Variants in B3GLCT observed in about 807,000 individuals in gnomAD.
The protein encoded by B3GLCT is beta 3-glucosyltransferase, also known as beta-1,3-glucosyltransferase.
A neutral mutation model predicts 63.4 loss-of-function variants in B3GLCT; 65 were observed. The ratio of observed to expected loss-of-function variants is 1.03; its 90% confidence interval spans 0.84 to 1.26. The LOEUF (loss-of-function observed/expected upper bound fraction) is 1.26. B3GLCT is among the 50% of genes most tolerant of loss of function. B3GLCT has a pLI of 0.00. For missense variants in B3GLCT, 577 were observed against 604.8 expected, an observed-to-expected ratio of 0.95 and a Z score of 0.48; for synonymous variants, 233 against 219.2, an observed-to-expected ratio of 1.06 and a Z score of -0.55.
intron 7 of B3GLCT, among the ~76,000 whole-genome samples, chr13:31,266,041 C>T (rs1872288171): frequency 6.6e-6 from 1 of 152,032 alleles, no homozygotes; most frequent in African/African-American, 2.4e-5. Context: ...GCTCTGTCGC[C>T]CAGGCTGGAG....
intron 12 of B3GLCT, among the ~76,000 whole-genome samples, chr13:31,288,527 C>A (rs1873468529): frequency 6.6e-6 from 1 of 152,204 alleles, no homozygotes; most frequent in Non-Finnish European, 1.5e-5. Context: ...TCTGCTGCCA[C>A]CACTGGGGCC....
intron 2 of B3GLCT, among the ~76,000 whole-genome samples, chr13:31,222,074 A>ATTTT (rs5802597): frequency 4.3e-5 from 4 of 92,948 alleles, no homozygotes; most frequent in African/African-American, 1.3e-4. Context: ...TGTGCTCCTG[A>ATTTT]TTTTTTTTTT....
chr13:31,291,569 T>G (rs1873659784), intron 12 of B3GLCT, among the ~76,000 whole-genome samples: 1 of 152,220 alleles, frequency 6.6e-6, no homozygotes, highest in South Asian at 2.1e-4. Flanking sequence ...CCTAGGTATT[T>G]TATTCTTGTT....
At chr13:31,203,844 G>A (rs1282750526) in intron 1 of B3GLCT, among the ~76,000 whole-genome samples, 1 of 152,204 alleles carries the variant, frequency 6.6e-6, no homozygotes, top group Non-Finnish European at 1.5e-5. Context: ...CAAAGTTCTA[G>A]TCACTAAGCA....
At chr13:31,312,249 T>G (rs1874749484) in intron 12 of B3GLCT, 1 of 152,234 alleles carries the variant, frequency 6.6e-6, no homozygotes, top group Admixed American at 6.5e-5. Context: ...GAGTCTTTAT[T>G]GATCAAGTAA....
intron 4 of B3GLCT, among the ~76,000 whole-genome samples, chr13:31,243,330 G>A (rs778927435): frequency 1.3e-5 from 2 of 152,198 alleles, no homozygotes; most frequent in Middle Eastern, 3.2e-3. Flanking sequence ...CAAATAGTCT[G>A]TTGACAAGGG....
chr13:31,296,510 C>T (rs1386072189), intron 12 of B3GLCT, among the ~76,000 whole-genome samples: 1 of 152,120 alleles, frequency 6.6e-6, no homozygotes, highest in Admixed American at 6.6e-5. Context: ...CTTCACCCTC[C>T]CAAAAGGTCC....
At chr13:31,287,773 T>C (rs569344132) in intron 12 of B3GLCT, among the ~76,000 whole-genome samples, 3 of 152,340 alleles carry the variant, frequency 2.0e-5, no homozygotes, top group East Asian at 1.9e-4. Flanking sequence ...CTATTCCATA[T>C]GTTCAAAAAG....
chr13:31,277,820 A>G (rs1872872425), intron 10 of B3GLCT, among the ~76,000 whole-genome samples: 1 of 152,174 alleles, frequency 6.6e-6, no homozygotes. Flanking sequence ...TATTTGCCTA[A>G]AATGGCCACA....
chr13:31,215,865 AG>A (rs1869534751), intron 2 of B3GLCT, among the ~76,000 whole-genome samples: 1 of 152,206 alleles, frequency 6.6e-6, no homozygotes, highest in Non-Finnish European at 1.5e-5. Flanking sequence ...GGAGACCCAA[AG>A]GTGACTATGC....
chr13:31,206,801 G>A (rs931250335), intron 1 of B3GLCT, among the ~76,000 whole-genome samples: 69 of 152,214 alleles, frequency 4.5e-4, no homozygotes, highest in Middle Eastern at 6.8e-3. Flanking sequence ...AGTTGTTCTG[G>A]AGAGAGCAAA....
chr13:31,225,637 C>T (rs1052981479), intron 3 of B3GLCT, among the ~76,000 whole-genome samples: 3 of 152,176 alleles, frequency 2.0e-5, no homozygotes, highest in African/African-American at 7.2e-5. Flanking sequence ...GCCTTGTCCT[C>T]GATAATACCC....
intron 7 of B3GLCT, among the ~76,000 whole-genome samples, chr13:31,265,519 A>G (rs1055786018): frequency 6.6e-6 from 1 of 152,180 alleles, no homozygotes; most frequent in Admixed American, 6.5e-5. Context: ...TTACCTAAAG[A>G]TAGCTCATGA....
chr13:31,220,381 A>C (rs1869756530), intron 2 of B3GLCT, among the ~76,000 whole-genome samples: 1 of 152,212 alleles, frequency 6.6e-6, no homozygotes, highest in Non-Finnish European at 1.5e-5. Context: ...TGTGGGGTAG[A>C]GATTAATGGC....
chr13:31,288,269 C>A (rs1328090368), intron 12 of B3GLCT, among the ~76,000 whole-genome samples: 1 of 152,146 alleles, frequency 6.6e-6, no homozygotes, highest in African/African-American at 2.4e-5. Flanking sequence ...CCCATTGTAG[C>A]TACCCACAAC....
intron 12 of B3GLCT, among the ~76,000 whole-genome samples, chr13:31,297,178 T>C (rs1262846615): frequency 1.3e-5 from 2 of 152,188 alleles, no homozygotes; most frequent in Non-Finnish European, 2.9e-5. Context: ...TATCCATTCA[T>C]CTGTTGATGG....
intron 4 of B3GLCT, among the ~76,000 whole-genome samples, chr13:31,234,069 G>A (rs1050051369): frequency 1.3e-5 from 2 of 151,516 alleles, no homozygotes; most frequent in Admixed American, 1.3e-4. Context: ...CCAGGCTGGA[G>A]TGCAGTGGCG....
At chr13:31,262,113 C>T (rs1055157294) in intron 7 of B3GLCT, among the ~76,000 whole-genome samples, 1 of 152,152 alleles carries the variant, frequency 6.6e-6, no homozygotes, top group Non-Finnish European at 1.5e-5. Flanking sequence ...AAGGAAGAGT[C>T]GTTTGCAGTT....
chr13:31,231,492 C>T (rs1870379820), intron 4 of B3GLCT, among the ~76,000 whole-genome samples: 2 of 152,186 alleles, frequency 1.3e-5, no homozygotes, highest in South Asian at 4.1e-4. Flanking sequence ...CGAATAGCGA[C>T]GCCCCTTGCC....
Sources: allele counts gnomAD v4.1 joint callset (sites outside exome capture counted in the v4.1 genomes callset), GRCh38; gene constraint gnomAD v4.1.1; transcripts MANE v1.5; gene names NCBI Gene and HGNC (gene_info 2026-07-23, HGNC 2026-07-21).